Variants in CNTNAP5 observed in about 807,000 individuals in gnomAD.
CNTNAP5 encodes contactin associated protein family member 5.
A neutral mutation model predicts 150.2 loss-of-function variants in CNTNAP5; 72 were observed. That is an observed-to-expected ratio of 0.48 (90% CI 0.40 to 0.58). The LOEUF is 0.58. Among genes scored for constraint, CNTNAP5 ranks in the 20% least tolerant of loss-of-function variants. The pLI, the probability that CNTNAP5 is intolerant of heterozygous loss-of-function variation, is 0.00. For missense variants in CNTNAP5, 1,636 were observed against 1,626.2 expected, an observed-to-expected ratio of 1.01 and a Z score of -0.10; for synonymous variants, 672 against 619.8, an observed-to-expected ratio of 1.08 and a Z score of -1.25.
intron 4 of CNTNAP5, among the ~76,000 whole-genome samples, chr2:124,423,156 C>T (rs1181013077): frequency 6.6e-6 from 1 of 152,160 alleles, no homozygotes; most frequent in Non-Finnish European, 1.5e-5. Context: ...CTTGGGTCCT[C>T]TGTGGACACC....
At chr2:124,349,897 T>TTC (rs1689834525) in intron 3 of CNTNAP5, among the ~76,000 whole-genome samples, 1 of 108,126 alleles carries the variant, frequency 9.2e-6, no homozygotes, top group African/African-American at 3.6e-5. Context: ...TTTTTTTTTT[T>TTC]TTTTTGAGAC....
chr2:124,264,843 G>T (rs142299908), intron 3 of CNTNAP5, among the ~76,000 whole-genome samples: 2 of 152,308 alleles, frequency 1.3e-5, no homozygotes, highest in South Asian at 4.1e-4. Context: ...GCTACTATGC[G>T]TGTCTACTTG....
At chr2:124,869,583 G>A in intron 20 of CNTNAP5, 92 bp from the exon 21 acceptor site, 2 of 760,160 alleles carry the variant, frequency 2.6e-6, no homozygotes, top group Non-Finnish European at 4.6e-6. Context: ...CTATCTGTAT[G>A]CATTTTTTCA....
Position 124,763,707 on chromosome 2 carries a change from A to G in CNTNAP5, c.2270A>G (p.His757Arg). ...ACTGGCTTTCTTTCCTTCAAAGACC[A>G]CTTGCCTGTCACTCAGATAGTTATC... is the stretch of plus-strand genomic sequence containing the variant. ...NDTGFLSFKD[H>R]LPVTQIVITD... Residue 757 changes from histidine (H) to arginine (R), a missense_variant, in exon 15 of 24, where the codon CAC (histidine) becomes CGC (arginine). Transcript: ENST00000682447. The G allele has an allele frequency of 1.9e-6, 3 of 1,612,898 alleles. No individual in the cohort carries two copies. The highest frequency in any genetic ancestry group is 2.5e-6 in the Non-Finnish European group (3 of 1,179,322).
At chr2:124,540,272 G>T (rs531514931) in intron 10 of CNTNAP5, among the ~76,000 whole-genome samples, 2 of 152,296 alleles carry the variant, frequency 1.3e-5, no homozygotes, top group East Asian at 1.9e-4. Context: ...CTCAGATGTG[G>T]TTCCCAAGTA....
At chr2:124,467,856 C>T (rs1693414159) in intron 6 of CNTNAP5, among the ~76,000 whole-genome samples, 1 of 152,164 alleles carries the variant, frequency 6.6e-6, no homozygotes. Context: ...TCATCAGCCT[C>T]TGTTGCTTCT....
At chr2:124,308,470 A>G (rs1688744239) in intron 3 of CNTNAP5, among the ~76,000 whole-genome samples, 1 of 152,238 alleles carries the variant, frequency 6.6e-6, no homozygotes. Context: ...TTTATTGACT[A>G]TTTTATGTAA....
At chr2:124,356,318 T>C (rs1056410632) in intron 3 of CNTNAP5, among the ~76,000 whole-genome samples, 5 of 152,056 alleles carry the variant, frequency 3.3e-5, no homozygotes, top group African/African-American at 1.2e-4. Flanking sequence ...TTTTTTTTTT[T>C]TTTTATACTT....
chr2:124,373,081 G>C (rs1690568071), intron 3 of CNTNAP5, among the ~76,000 whole-genome samples: 1 of 152,110 alleles, frequency 6.6e-6, no homozygotes, highest in African/African-American at 2.4e-5. Flanking sequence ...TATCAGAACA[G>C]CCACAGATGA....
chr2:124,342,237 G>A (rs1423958769), intron 3 of CNTNAP5, among the ~76,000 whole-genome samples: 2 of 152,128 alleles, frequency 1.3e-5, no homozygotes, highest in Non-Finnish European at 2.9e-5. Context: ...AACTTTGTAT[G>A]AAGAATCTCA....
chr2:124,697,651 G>A (rs1679431629), intron 13 of CNTNAP5, among the ~76,000 whole-genome samples: 1 of 150,458 alleles, frequency 6.6e-6, no homozygotes, highest in Non-Finnish European at 1.5e-5. Context: ...CAGAAGCCTG[G>A]CATAAGGCCA....
At chr2:124,626,148 ATT>A (rs1677717929) in intron 12 of CNTNAP5, among the ~76,000 whole-genome samples, 1 of 152,150 alleles carries the variant, frequency 6.6e-6, no homozygotes, top group Admixed American at 6.5e-5. Flanking sequence ...TGCTAAAGGA[ATT>A]TAGAGACAGG....
At position 124,149,643 on chromosome 2, in the gene CNTNAP5, A is replaced by C. The variant is rs74918048; in HGVS notation, c.83-72062A>C. ...CAGACTAAACTCTTTTGTAAAGGCTATCACCAGGTCTGAGAGCAGTAGTGG... is the reference window on the plus strand; with the variant it reads ...CAGACTAAACTCTTTTGTAAAGGCTCTCACCAGGTCTGAGAGCAGTAGTGG... On this transcript the variant is annotated intron_variant, in intron 1 of 23. Coordinates refer to ENST00000682447, the MANE Select transcript of CNTNAP5 (RefSeq NM_001367498.1). Among the ~76,000 whole-genome samples, 70 of 152,326 alleles carry C rather than the reference A, an allele frequency of 4.6e-4. No homozygotes were observed. The East Asian group carries it at 0.013, about 28-fold the overall frequency.
intron 13 of CNTNAP5, among the ~76,000 whole-genome samples, chr2:124,686,505 C>T (rs775883208): frequency 2.5e-4 from 38 of 151,998 alleles, no homozygotes; most frequent in Admixed American, 2.0e-3. Context: ...GACCTGGTAC[C>T]GGAGAGAGGG....
At chr2:124,741,318 C>T (rs903060687) in intron 13 of CNTNAP5, among the ~76,000 whole-genome samples, 30 of 152,200 alleles carry the variant, frequency 2.0e-4, no homozygotes, top group African/African-American at 5.5e-4. Flanking sequence ...TTCATAGCAA[C>T]GGGAAGAGGC....
chr2:124,201,832 G>A (rs1685735390), intron 1 of CNTNAP5, among the ~76,000 whole-genome samples: 1 of 152,198 alleles, frequency 6.6e-6, no homozygotes, highest in South Asian at 2.1e-4. Flanking sequence ...TACAAGCTTA[G>A]AGCAGCAATA....
intron 16 of CNTNAP5, among the ~76,000 whole-genome samples, chr2:124,770,953 T>A (rs577605339): frequency 2.6e-5 from 4 of 152,172 alleles, no homozygotes; most frequent in Non-Finnish European, 5.9e-5. Flanking sequence ...TCGCCTTAGA[T>A]CACAGTAGCT....
intron 3 of CNTNAP5, among the ~76,000 whole-genome samples, chr2:124,323,010 CA>C (rs1389859406): frequency 6.6e-6 from 1 of 152,042 alleles, no homozygotes; most frequent in East Asian, 1.9e-4. Flanking sequence ...GGCTTATAAA[CA>C]AAAAACATTT....
intron 3 of CNTNAP5, among the ~76,000 whole-genome samples, chr2:124,374,892 A>G (rs896013382): frequency 1.3e-5 from 2 of 152,126 alleles, no homozygotes; most frequent in Non-Finnish European, 2.9e-5. Flanking sequence ...TCAAGGACAC[A>G]GAAGTCAAGC....
Sources: allele counts gnomAD v4.1 joint callset (sites outside exome capture counted in the v4.1 genomes callset), GRCh38; gene constraint gnomAD v4.1.1; transcripts MANE v1.5; gene names NCBI Gene and HGNC (gene_info 2026-07-23, HGNC 2026-07-21).